ANO3: variants seen among roughly 807,000 people sequenced by gnomAD.
The protein encoded by ANO3 is anoctamin-3.
ANO3 carries 99 observed loss-of-function variants against 144.8 expected under a neutral mutation model. The observed-to-expected ratio is 0.68, with a 90% CI of 0.58 to 0.81. The LOEUF (loss-of-function observed/expected upper bound fraction) is 0.81, where lower values mean the gene tolerates loss of function less well. Among genes scored for constraint, ANO3 ranks in the 30% least tolerant of loss-of-function variants. The pLI, the probability that ANO3 is intolerant of heterozygous loss-of-function variation, is 0.00. For synonymous variants in ANO3, 414 were observed against 392.6 expected, an observed-to-expected ratio of 1.05 and a Z score of -0.64; for missense variants, 905 against 1,202.2, an observed-to-expected ratio of 0.75 and a Z score of 3.66.
chr11:26,409,112 A>G lies in ANO3; in HGVS notation c.47-32806A>G, dbSNP rs185158363. On this transcript the variant is annotated intron_variant, in intron 1 of 26. Coordinates refer to ENST00000256737, the MANE Select transcript of ANO3 (RefSeq NM_031418.4). Reference sequence around the variant, plus strand: ...CTGCACATTGTACACATGTACCCTAAAACTTTAAGTACAATAAAAAAAAAA... The same window carrying G: ...CTGCACATTGTACACATGTACCCTAGAACTTTAAGTACAATAAAAAAAAAA... 1.8e-3 allele frequency among the ~76,000 whole-genome samples: 216 copies of G among 116,862 alleles called. 1 individual carries two copies. The highest frequency in any genetic ancestry group is 3.5e-3 in the Non-Finnish European group (195 of 55,130). 76.7% of individuals were successfully genotyped at this position (116,862 alleles called of 152,430 possible). A position where few individuals can be genotyped will look rare whatever the true frequency, so the allele number is the denominator to read the frequency against.
At chr11:26,306,768 A>C (rs1334463686), upstream of ANO3, among the ~76,000 whole-genome samples, 2 of 152,252 alleles carry the variant, frequency 1.3e-5, no homozygotes, top group South Asian at 2.1e-4. Context: ...TCTTCCCTGC[A>C]TTCCTAACTT....
In ANO3 at chr11:26,656,666, G is replaced by A. The variant is rs186813038; in HGVS notation, c.2763+185G>A. 2.9e-3 allele frequency among the ~76,000 whole-genome samples: 434 copies of A among 152,214 alleles called. 3 individuals are homozygous for A. The highest frequency in any genetic ancestry group is 5.6e-3 in the South Asian group (27 of 4,824). On this transcript the variant is annotated intron_variant, in intron 26 of 26. Coordinates refer to ENST00000256737, the MANE Select transcript of ANO3 (RefSeq NM_031418.4). ...AAAGCAAGAGCTGAATAATGTAAGA[G>A]TGTACATTAATTTAAATACCAGGAA...
intron 1 of ANO3, among the ~76,000 whole-genome samples, chr11:26,216,695 C>T (rs560714673): frequency 2.1e-3 from 312 of 152,106 alleles, no homozygotes; most frequent in Non-Finnish European, 3.6e-3. Context: ...AACAGCCAAA[C>T]TGTATTTCAA....
At chr11:26,406,297 C>T (rs1440994036) in intron 1 of ANO3, among the ~76,000 whole-genome samples, 1 of 151,718 alleles carries the variant, frequency 6.6e-6, no homozygotes, top group African/African-American at 2.4e-5. Flanking sequence ...GTGCTTTTCC[C>T]ATTCATGATA....
At chr11:26,637,937 C>T (rs1387081756) in intron 20 of ANO3, among the ~76,000 whole-genome samples, 1 of 152,106 alleles carries the variant, frequency 6.6e-6, no homozygotes, top group East Asian at 1.9e-4. Context: ...TTGAATACTG[C>T]AAAGTTTTCA....
chr11:26,429,989 GCC>G (rs1383574369), intron 1 of ANO3, among the ~76,000 whole-genome samples: 1 of 152,118 alleles, frequency 6.6e-6, no homozygotes, highest in Non-Finnish European at 1.5e-5. Flanking sequence ...TGTAATCTCA[GCC>G]CTTCGGGAGG....
chr11:26,411,833 T>A lies in ANO3; in HGVS notation c.47-30085T>A, dbSNP rs147274385. On this transcript the variant is annotated intron_variant, in intron 1 of 26. Transcript: ENST00000256737. ...GCATGACTGCTTTGACACTTTCTAT[T>A]TGAAGATTGCAGTTGACTTATCTTC... is the stretch of plus-strand genomic sequence containing the variant. Among the ~76,000 whole-genome samples the A allele has an allele frequency of 4.6e-5, 7 of 152,108 alleles. No homozygotes were observed. In the East Asian group the frequency reaches 1.4e-3, roughly 30 times the overall value.
chr11:26,271,804 G>A (rs1348830861), intron 1 of ANO3, among the ~76,000 whole-genome samples: 1 of 151,880 alleles, frequency 6.6e-6, no homozygotes, highest in Non-Finnish European at 1.5e-5. Context: ...TTGTATATCT[G>A]AGAATTTCTA....
chr11:26,597,399 G>A (rs1851665178), intron 14 of ANO3, among the ~76,000 whole-genome samples: 1 of 152,202 alleles, frequency 6.6e-6, no homozygotes, highest in Non-Finnish European at 1.5e-5. Context: ...ACGAACCTGG[G>A]CACTTAGCCG....
At chr11:26,277,455 T>C (rs1290809506) in intron 1 of ANO3, among the ~76,000 whole-genome samples, 1 of 152,110 alleles carries the variant, frequency 6.6e-6, no homozygotes, top group East Asian at 1.9e-4. Flanking sequence ...CTTAAGTGGA[T>C]CCTAATGGCA....
intron 2 of ANO3, 99 bp from the exon 3 acceptor site, chr11:26,443,666 A>C: frequency 1.7e-6 from 1 of 571,470 alleles, no homozygotes; most frequent in Non-Finnish European, 3.0e-6. Context: ...AAGAAATTTC[A>C]TCATGTTTGG....
At chr11:26,425,324 C>G (rs759070772) in intron 1 of ANO3, among the ~76,000 whole-genome samples, 32 of 152,076 alleles carry the variant, frequency 2.1e-4, no homozygotes, top group Non-Finnish European at 4.1e-4. Flanking sequence ...TTATTTCAAA[C>G]ATTCCCCTAT....
chr11:26,293,036 C>T (rs11029495), intron 1 of ANO3, among the ~76,000 whole-genome samples: 3,258 of 152,238 alleles, frequency 0.021, 58 homozygotes, highest in East Asian at 0.12. Context: ...TGTTCCTATT[C>T]GGCCATCTTC....
At chr11:26,427,220 A>C (rs1184750840) in intron 1 of ANO3, 4 of 188,082 alleles carry the variant, frequency 2.1e-5, no homozygotes, top group Admixed American at 2.1e-4. Flanking sequence ...CAACAAGTTC[A>C]AGATCAGCAT....
At chr11:26,451,106 C>T (rs1858914722) in intron 3 of ANO3, among the ~76,000 whole-genome samples, 2 of 152,042 alleles carry the variant, frequency 1.3e-5, no homozygotes, top group African/African-American at 4.8e-5. Flanking sequence ...GGGGAGGAGC[C>T]AAGATGGCCG....
In ANO3 at chr11:26,531,345, C is replaced by A; in HGVS notation, c.869+9C>A. 6.3e-7 allele frequency: 1 copy of A among 1,596,944 alleles called. No homozygotes were observed. Among genetic ancestry groups the A allele is most frequent in the Non-Finnish European group, 8.5e-7 (1 of 1,173,400 alleles). Reference sequence around the variant, plus strand: ...CGTGCACGGATTCACCAGTGAGTTCCCCTCTTTTTTCATACTGCCTACCTT... The same window carrying A: ...CGTGCACGGATTCACCAGTGAGTTCACCTCTTTTTTCATACTGCCTACCTT... On this transcript the variant is annotated intron_variant, in intron 8 of 26. Transcript: ENST00000256737.
At chr11:26,654,188 A>G (rs1470624768) in intron 24 of ANO3, among the ~76,000 whole-genome samples, 1 of 152,178 alleles carries the variant, frequency 6.6e-6, no homozygotes, top group Admixed American at 6.6e-5. Context: ...TTTATCAGTT[A>G]CCATTTTTTA....
intron 23 of ANO3, among the ~76,000 whole-genome samples, chr11:26,646,935 T>C (rs1334068043): frequency 6.6e-6 from 1 of 152,138 alleles, no homozygotes; most frequent in South Asian, 2.1e-4. Context: ...TAAATTATTA[T>C]TTTTAATTAC....
chr11:26,507,219 T>C (rs1861469419), intron 4 of ANO3, among the ~76,000 whole-genome samples: 1 of 152,202 alleles, frequency 6.6e-6, no homozygotes, highest in Non-Finnish European at 1.5e-5. Context: ...TTAAAATTCC[T>C]TACAGCAAAT....
Sources: gnomAD v4.1 joint callset for allele counts (sites outside exome capture counted in the v4.1 genomes callset) on GRCh38, gnomAD v4.1.1 for gene constraint, MANE v1.5 for transcripts, NCBI Gene and HGNC (gene_info 2026-07-23, HGNC 2026-07-21) for gene names.